RPTOR: variants seen among roughly 807,000 people sequenced by gnomAD.
The protein encoded by RPTOR is regulatory-associated protein of mTOR.
Under a neutral mutation model 169.9 loss-of-function variants are expected in RPTOR, and 21 were observed. The ratio of observed to expected loss-of-function variants is 0.12; its 90% CI spans 0.09 to 0.18. The LOEUF (loss-of-function observed/expected upper bound fraction) is 0.18, where lower values mean the gene tolerates loss of function less well. RPTOR is among the 10% of genes least tolerant of loss of function. RPTOR has a pLI of 1.00. For missense variants in RPTOR, 1,133 were observed against 1,855.9 expected, an observed-to-expected ratio of 0.61 and a Z score of 7.16; for synonymous variants, 732 against 753.2, an observed-to-expected ratio of 0.97 and a Z score of 0.46.
chr17:80,895,762 C>A (rs151058055), intron 20 of RPTOR, among the ~76,000 whole-genome samples: 3 of 152,246 alleles, frequency 2.0e-5, no homozygotes, highest in Non-Finnish European at 4.4e-5. Flanking sequence ...TCTACCACGC[C>A]GGTCTTGGCC....
chr17:80,947,447 A>G lies in RPTOR; in HGVS notation c.3265+96A>G, dbSNP rs2069117404. ...TGAGATGTGTTTGTACATCTGTCTT[A>G]CAGAAAGCCCTGCTCACACGCGAGG... On this transcript the variant is annotated intron_variant, in intron 27 of 33. Transcript: ENST00000306801. This position sits in a 1 kb window ranked among gnomAD's most constrained non-coding sequence, Gnocchi z 4.4. The G allele has an allele frequency of 7.1e-7, 1 of 1,405,770 alleles. No individual in the cohort carries two copies. The highest frequency in any genetic ancestry group is 1.5e-5 in the African/African-American group (1 of 67,580). 87.1% of individuals were successfully genotyped at this position (1,405,770 alleles called of 1,614,324 possible).
At position 80,571,060 on chromosome 17, in the gene RPTOR, A is replaced by G. The variant is rs2064900205; in HGVS notation, c.162+25269A>G. On this transcript the variant is annotated intron_variant, in intron 1 of 33. Transcript: ENST00000306801. ...AGGTAGGTCAGAGGTTGAAACTGAA[A>G]TAATTGTTAAACACGTAAGAGGATT... 1.3e-5 allele frequency among the ~76,000 whole-genome samples: 2 copies of G among 152,334 alleles called. 1 individual carries two copies. The highest frequency in any genetic ancestry group is 6.8e-3 in the Middle Eastern group (2 of 294).
At chr17:80,563,583 G>T (rs114342248) in intron 1 of RPTOR, among the ~76,000 whole-genome samples, 1 of 25,090 alleles carries the variant, frequency 4.0e-5, no homozygotes, top group Non-Finnish European at 1.3e-4. Flanking sequence ...AAAAAAAAAA[G>T]ATAATAAATA....
chr17:80,955,966 C>G (rs2069243218), intron 28 of RPTOR, among the ~76,000 whole-genome samples: 1 of 152,188 alleles, frequency 6.6e-6, no homozygotes, highest in African/African-American at 2.4e-5. Context: ...AATGAGTTAA[C>G]CAGAGCTGTG....
At chr17:80,944,657 G>A (rs367561952) in intron 25 of RPTOR, among the ~76,000 whole-genome samples, 3 of 152,114 alleles carry the variant, frequency 2.0e-5, no homozygotes, top group South Asian at 2.1e-4. Flanking sequence ...AGGTATTGAC[G>A]TCGGCCATGA....
At chr17:80,869,047 A>G (rs1375355953) in intron 13 of RPTOR, among the ~76,000 whole-genome samples, 1 of 152,200 alleles carries the variant, frequency 6.6e-6, no homozygotes, top group Non-Finnish European at 1.5e-5. Flanking sequence ...CAAAATCTTC[A>G]AATTCCGTAC....
At chr17:80,865,305 C>T (rs566568723) in intron 13 of RPTOR, among the ~76,000 whole-genome samples, 126 of 152,330 alleles carry the variant, frequency 8.3e-4, no homozygotes, top group Non-Finnish European at 1.6e-3. Flanking sequence ...GACACCTAAT[C>T]CTGCCCGTCA....
intron 7 of RPTOR, among the ~76,000 whole-genome samples, chr17:80,796,976 T>C (rs2067107617): frequency 6.6e-6 from 1 of 152,270 alleles, no homozygotes; most frequent in Non-Finnish European, 1.5e-5. Context: ...CCATTAGCTC[T>C]ATTTCCAAGT....
rs1159523487 is a variant in RPTOR at position 80,633,157 on chromosome 17, T to C, written c.265+7364T>C. On this transcript the variant is annotated intron_variant, in intron 2 of 33. Coordinates refer to ENST00000306801, the MANE Select transcript of RPTOR (RefSeq NM_020761.3). The surrounding 1 kb of genome is among the most constrained non-coding windows in gnomAD (Gnocchi z 4.1). The stretch of plus-strand genomic sequence containing the variant: ...GCAAGTATAGTACTAAGCTGTTTCC[T>C]TTCTGATTCTCTGAGAGAAGGCGGC... 2.0e-5 allele frequency among the ~76,000 whole-genome samples: 3 copies of C among 152,244 alleles called. No individual in the cohort carries two copies. The highest frequency in any genetic ancestry group is 6.5e-5 in the Admixed American group (1 of 15,292).
At chr17:80,765,439 T>C (rs1325734823) in intron 6 of RPTOR, among the ~76,000 whole-genome samples, 1 of 152,194 alleles carries the variant, frequency 6.6e-6, no homozygotes. Context: ...AACGTTTGGT[T>C]GACATTTTAC....
intron 9 of RPTOR, among the ~76,000 whole-genome samples, chr17:80,833,100 C>T (rs2067524419): frequency 2.3e-5 from 1 of 43,814 alleles, no homozygotes; most frequent in Non-Finnish European, 4.1e-5. Flanking sequence ...CCGTGCTTTC[C>T]GTTCCCGGGG....
chr17:80,623,643 C>A (rs888348026), intron 1 of RPTOR, among the ~76,000 whole-genome samples: 1 of 152,058 alleles, frequency 6.6e-6, no homozygotes, highest in African/African-American at 2.4e-5. Context: ...TCAAGTGATT[C>A]TCCTGTCTCA....
In RPTOR at chr17:80,782,089, G is replaced by A. The variant is rs1163151923; in HGVS notation, c.831-9361G>A. ...AGCAGCACCGTTCCCCCAGGGTATC[G>A]CTGGCCTGTGTTTCACATAGGGTCA... On this transcript the variant is annotated intron_variant, in intron 6 of 33. Transcript: ENST00000306801. 5.5e-4 allele frequency among the ~76,000 whole-genome samples: 83 copies of A among 152,234 alleles called. 1 individual carries two copies. Among genetic ancestry groups the A allele is most frequent in the Non-Finnish European group, 2.9e-5 (2 of 68,044 alleles).
intron 21 of RPTOR, 138 bp from the exon 22 acceptor site, chr17:80,922,586 C>G (rs1274450414): frequency 4.2e-6 from 3 of 708,412 alleles, no homozygotes; most frequent in Non-Finnish European, 7.3e-6. Flanking sequence ...CTGGGGCCTT[C>G]CATTGGTGTT....
intron 9 of RPTOR, among the ~76,000 whole-genome samples, chr17:80,825,492 G>A (rs1182932040): frequency 1.3e-5 from 2 of 152,240 alleles, no homozygotes; most frequent in South Asian, 2.1e-4. Context: ...TCTAGGCCTA[G>A]CTGCAGCCTC....
At chr17:80,694,309 C>T (rs2066017758) in intron 3 of RPTOR, among the ~76,000 whole-genome samples, 1 of 152,156 alleles carries the variant, frequency 6.6e-6, no homozygotes. Flanking sequence ...CCGGGCATGG[C>T]CCTCGCAGAT....
intron 11 of RPTOR, 112 bp downstream of exon 11, chr17:80,846,686 A>G: frequency 1.2e-6 from 1 of 835,340 alleles, no homozygotes; most frequent in Non-Finnish European, 1.9e-6. Context: ...GGTCTGTGAC[A>G]TCCCAGCCCC....
chr17:80,658,966 C>T (rs2065700168), intron 3 of RPTOR, among the ~76,000 whole-genome samples: 1 of 152,178 alleles, frequency 6.6e-6, no homozygotes, highest in Non-Finnish European at 1.5e-5. Flanking sequence ...TGTGTGTTGC[C>T]ATCAGTCTGA....
intron 1 of RPTOR, among the ~76,000 whole-genome samples, chr17:80,555,258 TA>T (rs2084394210): frequency 6.6e-6 from 1 of 152,224 alleles, no homozygotes; most frequent in Admixed American, 6.5e-5. Flanking sequence ...TCGCTCTGCC[TA>T]AAGAACTGTT....
Sources: allele counts gnomAD v4.1 joint callset (sites outside exome capture counted in the v4.1 genomes callset), GRCh38; gene constraint gnomAD v4.1.1; non-coding constraint Gnocchi (gnomAD v3.1); transcripts MANE v1.5; gene names NCBI Gene and HGNC (gene_info 2026-07-23, HGNC 2026-07-21).